The following GPR137B variants were observed in gnomAD, a reference collection of about 807,000 sequenced individuals.
GPR137B encodes the protein G protein-coupled receptor 137B.
GPR137B carries 42 observed loss-of-function variants against 42.5 expected under a neutral mutation model. That is an observed-to-expected ratio of 0.99 (90% confidence interval 0.77 to 1.28). The LOEUF is 1.28. Ranked by LOEUF, GPR137B falls within the 50% of genes most tolerant of loss-of-function variation. GPR137B has a pLI of 0.00. For missense variants in GPR137B, 487 were observed against 493.9 expected, an observed-to-expected ratio of 0.99 and a Z score of 0.13; for synonymous variants, 218 against 209.7, an observed-to-expected ratio of 1.04 and a Z score of -0.34.
intron 1 of GPR137B, among the ~76,000 whole-genome samples, chr1:236,153,328 T>A (rs1258403464): frequency 6.6e-6 from 1 of 152,230 alleles, no homozygotes; most frequent in East Asian, 1.9e-4. Flanking sequence ...TTTCTATCTC[T>A]GCAGATTTAC....
At chr1:236,206,287 C>T (rs1663659852) in intron 6 of GPR137B, among the ~76,000 whole-genome samples, 1 of 152,138 alleles carries the variant, frequency 6.6e-6, no homozygotes, top group Admixed American at 6.5e-5. Flanking sequence ...GGTAACTTGT[C>T]CAAGGTCACA....
chr1:236,205,295 G>A (rs1342437714), intron 6 of GPR137B, 45 bp downstream of exon 6: 2 of 1,536,806 alleles, frequency 1.3e-6, no homozygotes, highest in Non-Finnish European at 1.8e-6. Context: ...AGGAGGGAAG[G>A]GTTACACCAG....
At chr1:236,198,535 G>T (rs1421376697) in intron 5 of GPR137B, among the ~76,000 whole-genome samples, 1 of 152,134 alleles carries the variant, frequency 6.6e-6, no homozygotes, top group Non-Finnish European at 1.5e-5. Context: ...GAATTGCATT[G>T]AATTTGTAGA....
At chr1:236,200,563 TTCCTGTTGGACTGA>T (rs1663464486) in intron 5 of GPR137B, among the ~76,000 whole-genome samples, 1 of 152,076 alleles carries the variant, frequency 6.6e-6, no homozygotes, top group Admixed American at 6.5e-5. Context: ...TTGTGATATT[TTCCTGTTGGACTGA>T]TCCTTTTATT....
Position 236,178,421 on chromosome 1 carries a change from C to T in GPR137B, c.472C>T (p.Leu158Phe). The change falls in exon 3 of 7, where the codon CTC (leucine) becomes TTC (phenylalanine). Residue 158 changes from leucine to phenylalanine, a missense_variant. By Grantham distance (22) the Leu-to-Phe change is conservative (BLOSUM62 0). Transcript: ENST00000366592. ...SPELLKYRLPLYLASLFISLV... is the reference protein window; with the variant it reads ...SPELLKYRLPFYLASLFISLV... ...TGCTCTCATGCCTTCCAGGTTGCCC[C>T]TCTACCTGGCCTCCCTCTTCATCAG... 6.2e-7 allele frequency: 1 copy of T among 1,611,666 alleles called. No homozygotes were observed.
At position 236,177,545 on chromosome 1, in the gene GPR137B, GT is replaced by G. The variant is rs1662722024; in HGVS notation, c.465-863del. ...TGATCCTTGGGTAGTTGCTGTGGCA[GT>G]TTTTTGTTTTTGTTTTTGTTTTTTT... On this transcript the variant is annotated intron_variant, in intron 2 of 6. Coordinates refer to ENST00000366592, the MANE Select transcript of GPR137B (RefSeq NM_003272.4). 2.3e-5 allele frequency among the ~76,000 whole-genome samples: 3 copies of G among 128,504 alleles called. No individual in the cohort carries two copies. In the South Asian group the frequency reaches 7.9e-4, roughly 34 times the overall value. 84.3% of individuals were successfully genotyped at this position (128,504 alleles called of 152,430 possible).
At chr1:236,176,240 TTTCTG>T (rs1188202328) in intron 2 of GPR137B, among the ~76,000 whole-genome samples, 1 of 152,064 alleles carries the variant, frequency 6.6e-6, no homozygotes, top group Non-Finnish European at 1.5e-5. Flanking sequence ...ATCATTAACG[TTTCTG>T]TTTGAAAAGC....
chr1:236,154,683 TCTC>T (rs1348072492), intron 1 of GPR137B, among the ~76,000 whole-genome samples: 8 of 150,776 alleles, frequency 5.3e-5, no homozygotes, highest in African/African-American at 1.5e-4. Flanking sequence ...ACCTCAGAAT[TCTC>T]CTCACTTCTG....
At chr1:236,164,143 G>A (rs527649324) in intron 1 of GPR137B, among the ~76,000 whole-genome samples, 2 of 152,268 alleles carry the variant, frequency 1.3e-5, no homozygotes, top group South Asian at 2.1e-4. Flanking sequence ...GTCTGCCTGT[G>A]TATTTCTCTG....
Position 236,150,341 on chromosome 1 carries a change from CTG to C in GPR137B, c.414+7314_414+7315del, listed in dbSNP as rs1661823663. On this transcript the variant is annotated intron_variant, in intron 1 of 6. Coordinates refer to ENST00000366592, the MANE Select transcript of GPR137B (RefSeq NM_003272.4). The surrounding 1 kb of genome is among the most constrained non-coding windows in gnomAD (Gnocchi z 6.2). ...TGTGTGTGTCTGTGCATGTGTGTGC[CTG>C]TGTGTGTGGAAAGGTTTCCTTATTT... 6.6e-6 allele frequency among the ~76,000 whole-genome samples: 1 copy of C among 151,748 alleles called. No homozygotes were observed. The highest frequency in any genetic ancestry group is 6.6e-5 in the Admixed American group (1 of 15,204).
Position 236,156,290 on chromosome 1 carries a change from C to A in GPR137B, c.415-12416C>A, listed in dbSNP as rs1285723107. Among the ~76,000 whole-genome samples, 1 of 152,330 alleles carries A rather than the reference C, an allele frequency of 6.6e-6. No homozygotes were observed. Among genetic ancestry groups the A allele is most frequent in the East Asian group, 1.9e-4 (1 of 5,190 alleles). ...GGGAGGTGATGCGGTGAACACCTGA[C>A]CATGTATTCCAGTGACCCCTCTCAC... is the stretch of plus-strand genomic sequence containing the variant. On this transcript the variant is annotated intron_variant, in intron 1 of 6. Coordinates refer to ENST00000366592, the MANE Select transcript of GPR137B (RefSeq NM_003272.4). This position sits in a 1 kb window ranked among gnomAD's most constrained non-coding sequence, Gnocchi z 4.8.
intron 5 of GPR137B, 71 bp from the exon 6 acceptor site, chr1:236,205,055 A>G: frequency 2.3e-6 from 3 of 1,283,640 alleles, no homozygotes; most frequent in East Asian, 4.7e-5. Context: ...CCTACAAGAA[A>G]GAGATCTTAT....
At chr1:236,151,808 C>T (rs761975043) in intron 1 of GPR137B, among the ~76,000 whole-genome samples, 9 of 152,182 alleles carry the variant, frequency 5.9e-5, no homozygotes, top group Admixed American at 3.3e-4. Context: ...CCCCCATACA[C>T]GGTGGGGTTG....
intron 1 of GPR137B, among the ~76,000 whole-genome samples, chr1:236,157,739 A>T (rs1662074208): frequency 6.6e-6 from 1 of 152,138 alleles, no homozygotes; most frequent in Non-Finnish European, 1.5e-5. Flanking sequence ...TCCTGAGAAC[A>T]TCGTAGTTTT....
At position 236,170,840 on chromosome 1, in the gene GPR137B, G is replaced by A. The variant is rs913620900; in HGVS notation, c.464+2085G>A. ...AAAATACAGAAATTAGCTGTGCGTG[G>A]TTGCAGGTGCCTGTAATCCCAGCTA... On this transcript the variant is annotated intron_variant, in intron 2 of 6. Coordinates refer to ENST00000366592, the MANE Select transcript of GPR137B (RefSeq NM_003272.4). Among the ~76,000 whole-genome samples the A allele has an allele frequency of 2.6e-5, 4 of 152,064 alleles. No individual in the cohort carries two copies. In the East Asian group the frequency reaches 5.8e-4, roughly 22 times the overall value.
intron 1 of GPR137B, among the ~76,000 whole-genome samples, chr1:236,168,181 C>A (rs1402794740): frequency 2.0e-5 from 3 of 152,084 alleles, no homozygotes; most frequent in Non-Finnish European, 4.4e-5. Context: ...AATCCCAGCA[C>A]TTTGGGAGGC....
chr1:236,189,877 C>T (rs7521265), intron 5 of GPR137B, among the ~76,000 whole-genome samples: 50,442 of 151,892 alleles, frequency 0.33, 8,958 homozygotes, highest in East Asian at 0.61. Context: ...ATGTTAATTA[C>T]ATGTCTCATT....
intron 1 of GPR137B, among the ~76,000 whole-genome samples, chr1:236,163,889 C>T (rs1260635030): frequency 6.6e-6 from 1 of 151,738 alleles, no homozygotes; most frequent in Non-Finnish European, 1.5e-5. Context: ...TCCCATACTG[C>T]CTCACACTTC....
intron 1 of GPR137B, among the ~76,000 whole-genome samples, chr1:236,164,312 C>G (rs1476063797): frequency 2.0e-5 from 3 of 152,316 alleles, no homozygotes; most frequent in Admixed American, 1.3e-4. Flanking sequence ...TCCTTAGCCT[C>G]TCATAGGGGT....
Sources: allele counts gnomAD v4.1 joint callset (sites outside exome capture counted in the v4.1 genomes callset), GRCh38; gene constraint gnomAD v4.1.1; non-coding constraint Gnocchi (gnomAD v3.1); transcripts MANE v1.5; gene names NCBI Gene and HGNC (gene_info 2026-07-23, HGNC 2026-07-21).